The following CHAT variants were observed in gnomAD, a reference collection of about 807,000 sequenced individuals.
The protein encoded by CHAT is choline O-acetyltransferase.
CHAT carries 61 observed loss-of-function variants against 76.9 expected under a neutral mutation model. The observed-to-expected ratio is 0.79, with a 90% CI of 0.65 to 0.98. CHAT has a LOEUF of 0.98. Ranked by LOEUF, CHAT falls within the 50% of genes least tolerant of loss-of-function variation. CHAT has a pLI of 0.00. For synonymous variants in CHAT, 407 were observed against 397.4 expected (o/e 1.02, Z -0.29); for missense variants, 946 against 986.9 (o/e 0.96, Z 0.56).
In CHAT at chr10:49,641,565, T is replaced by A. The variant is rs570087261; in HGVS notation, c.1112-4940T>A. On this transcript the variant is annotated intron_variant, in intron 7 of 14. Coordinates refer to ENST00000337653, the MANE Select transcript of CHAT (RefSeq NM_020549.5). The stretch of plus-strand genomic sequence containing the variant: ...TCATAGTCTCTGAGGACTGACAGCA[T>A]AAAGATCACCCCCTAGGCCAGAGAG... Among the ~76,000 whole-genome samples the A allele has an allele frequency of 1.8e-4, 27 of 152,218 alleles. No homozygotes were observed. In the South Asian group the frequency reaches 5.2e-3, roughly 29 times the overall value.
intron 7 of CHAT, among the ~76,000 whole-genome samples, chr10:49,630,128 A>G (rs182029182): frequency 1.3e-5 from 2 of 152,232 alleles, no homozygotes. Flanking sequence ...CAAGCTTAAT[A>G]TATATGTTTG....
chr10:49,658,978 A>T (rs978494067), intron 13 of CHAT, among the ~76,000 whole-genome samples: 6 of 152,238 alleles, frequency 3.9e-5, no homozygotes, highest in African/African-American at 1.4e-4. Context: ...GAGAGAAAAG[A>T]GGCTTAGTCC....
At chr10:49,611,527 G>T (rs1838296144), upstream of CHAT, 1 of 1,602,396 alleles carries the variant, frequency 6.2e-7, no homozygotes, top group Non-Finnish European at 8.5e-7. Context: ...GCTGGCAGTG[G>T]CCAAACCCTT....
At chr10:49,663,999 C>T (rs1840277105) in intron 14 of CHAT, among the ~76,000 whole-genome samples, 1 of 152,224 alleles carries the variant, frequency 6.6e-6, no homozygotes, top group African/African-American at 2.4e-5. Context: ...CAGCACACAG[C>T]ACCAGAAACC....
At chr10:49,629,454 T>C (rs928716376) in intron 7 of CHAT, among the ~76,000 whole-genome samples, 5 of 152,214 alleles carry the variant, frequency 3.3e-5, no homozygotes, top group African/African-American at 9.6e-5. Context: ...CATTCCGCAG[T>C]GAGTTAATTC....
At chr10:49,625,428 C>T in intron 5 of CHAT, 45 bp from the exon 6 acceptor site, 4 of 1,589,462 alleles carry the variant, frequency 2.5e-6, no homozygotes, top group Non-Finnish European at 3.4e-6. Flanking sequence ...CCTCACCACC[C>T]ACCATCCCCT....
intron 14 of CHAT, among the ~76,000 whole-genome samples, chr10:49,664,084 T>A (rs904433287): frequency 6.6e-6 from 1 of 152,184 alleles, no homozygotes; most frequent in African/African-American, 2.4e-5. Context: ...GACCAGCTAA[T>A]AAAATTAATC....
chr10:49,651,549 T>C (rs915239737), intron 10 of CHAT, among the ~76,000 whole-genome samples: 3 of 152,214 alleles, frequency 2.0e-5, no homozygotes, highest in African/African-American at 7.2e-5. Flanking sequence ...GACAGTGAAT[T>C]ACAAAATCCC....
chr10:49,639,475 GAA>G (rs36136241), intron 7 of CHAT, among the ~76,000 whole-genome samples: 2 of 148,148 alleles, frequency 1.3e-5, no homozygotes, highest in Non-Finnish European at 1.5e-5. Flanking sequence ...TTTCTGATAA[GAA>G]AAAAAAAATC....
upstream of CHAT, chr10:49,611,384 G>A: frequency 6.3e-7 from 1 of 1,599,178 alleles, no homozygotes; most frequent in Non-Finnish European, 8.5e-7. Flanking sequence ...CGTGCACTGG[G>A]CGTGGCGCTG....
chr10:49,648,069 G>A (rs1333816821), intron 8 of CHAT: 2 of 235,834 alleles, frequency 8.5e-6, no homozygotes, highest in Non-Finnish European at 1.7e-5. Context: ...AGCTCTGTGG[G>A]AAGTGAGTTT....
At chr10:49,652,715 T>C (rs1839918654) in intron 11 of CHAT, among the ~76,000 whole-genome samples, 1 of 152,194 alleles carries the variant, frequency 6.6e-6, no homozygotes, top group Non-Finnish European at 1.5e-5. Flanking sequence ...ACACCAGGCT[T>C]AGAACAAAAG....
chr10:49,642,879 A>G (rs1839532983), intron 7 of CHAT, among the ~76,000 whole-genome samples: 1 of 152,228 alleles, frequency 6.6e-6, no homozygotes, highest in South Asian at 2.1e-4. Context: ...GCTGCCAGGT[A>G]TCCTAGACTC....
intron 13 of CHAT, among the ~76,000 whole-genome samples, chr10:49,658,688 G>A (rs1009882808): frequency 2.0e-5 from 3 of 152,162 alleles, no homozygotes; most frequent in East Asian, 1.9e-4. Context: ...CAGCCTGGGC[G>A]ACACAGCAAG....
intron 5 of CHAT, among the ~76,000 whole-genome samples, chr10:49,623,461 T>C (rs1261189790): frequency 2.0e-5 from 3 of 152,180 alleles, no homozygotes; most frequent in Non-Finnish European, 4.4e-5. Flanking sequence ...ATTTACTTAT[T>C]CACTTTGCAA....
At chr10:49,621,966 G>C in intron 4 of CHAT, 131 bp from the exon 5 acceptor site, 1 of 913,860 alleles carries the variant, frequency 1.1e-6, no homozygotes, top group Non-Finnish European at 1.8e-6. Context: ...GGAGGGAGGA[G>C]GGAGGGAGAA....
At chr10:49,612,175 C>G (rs1290953438), upstream of CHAT, 9 of 1,610,274 alleles carry the variant, frequency 5.6e-6, no homozygotes, top group Admixed American at 1.7e-5. Context: ...GACGCGCTCC[C>G]GTTCCGAGCG....
Position 49,620,481 on chromosome 10 carries a change from G to C in CHAT, c.580-14G>C. The C allele has an allele frequency of 6.3e-7, 1 of 1,593,598 alleles. No homozygotes were observed. The highest frequency in any genetic ancestry group is 8.6e-7 in the Non-Finnish European group (1 of 1,162,334). On this transcript the variant is annotated splice_polypyrimidine_tract_variant and intron_variant, in intron 3 of 14. Transcript: ENST00000337653. ...TTGGGGGGATGTGACGGCCTTCCCT[G>C]CCCTCCCCGGCAGGTGTCTGAGTAC... is the stretch of plus-strand genomic sequence containing the variant.
intron 6 of CHAT, 39 bp downstream of exon 6, chr10:49,625,692 C>T: frequency 2.0e-6 from 3 of 1,534,406 alleles, no homozygotes; most frequent in Non-Finnish European, 2.7e-6. Context: ...GGGCACAGAG[C>T]ATACAGTGGC....
Sources: gnomAD v4.1 joint callset for allele counts (sites outside exome capture counted in the v4.1 genomes callset) on GRCh38, gnomAD v4.1.1 for gene constraint, MANE v1.5 for transcripts, NCBI Gene and HGNC (gene_info 2026-07-23, HGNC 2026-07-21) for gene names.